KIAA1549: variants seen among roughly 807,000 people sequenced by gnomAD.
The protein encoded by KIAA1549 is KIAA1549.
KIAA1549 carries 70 observed loss-of-function variants against 156.4 expected under a neutral mutation model. The observed-to-expected ratio is 0.45, with a 90% confidence interval of 0.37 to 0.55. The LOEUF is 0.55. Ranked by LOEUF, KIAA1549 falls within the 20% of genes least tolerant of loss-of-function variation. The pLI is 0.00. For missense variants in KIAA1549, 2,428 were observed against 2,540.9 expected, an observed-to-expected ratio of 0.96 and a Z score of 0.96; for synonymous variants, 1,103 against 1,066.4, an observed-to-expected ratio of 1.03 and a Z score of -0.67.
intron 1 of KIAA1549, among the ~76,000 whole-genome samples, chr7:138,969,337 T>C (rs1325284346): frequency 6.6e-6 from 1 of 152,218 alleles, no homozygotes; most frequent in Non-Finnish European, 1.5e-5. Context: ...CCTGTCTCCA[T>C]GGCTTTGACT....
At chr7:138,944,149 T>C (rs978748367) in intron 1 of KIAA1549, among the ~76,000 whole-genome samples, 1 of 151,892 alleles carries the variant, frequency 6.6e-6, no homozygotes, top group African/African-American at 2.4e-5. Context: ...CTATCATCAC[T>C]ACATTGTACA....
intron 1 of KIAA1549, among the ~76,000 whole-genome samples, chr7:138,957,165 A>G (rs12707428): frequency 0.42 from 63,052 of 151,920 alleles, 15,893 homozygotes; most frequent in African/African-American, 0.72. Context: ...CATATGGGGA[A>G]TGACCATACT....
intron 1 of KIAA1549, among the ~76,000 whole-genome samples, chr7:138,952,154 G>GT (rs1563091310): frequency 6.6e-6 from 1 of 152,166 alleles, no homozygotes. Flanking sequence ...ACCCACAGAG[G>GT]TTCTGACTCA....
chr7:138,958,911 C>T lies in KIAA1549; in HGVS notation c.187+22172G>A, dbSNP rs952606367. ...TTTTTTTGTTTTGTTTAGTTTGTTTCGTTTTTGAGATAGAGTGTTGCTCTG... is the reference window on the plus strand; with the variant it reads ...TTTTTTTGTTTTGTTTAGTTTGTTTTGTTTTTGAGATAGAGTGTTGCTCTG... On this transcript the variant is annotated intron_variant, in intron 1 of 19. Transcript: ENST00000422774. Among the ~76,000 whole-genome samples the T allele has an allele frequency of 7.9e-5, 12 of 151,450 alleles. 1 individual carries two copies. In the East Asian group the frequency reaches 2.3e-3, roughly 29 times the overall value.
chr7:138,973,721 T>G (rs1814290421), intron 1 of KIAA1549, among the ~76,000 whole-genome samples: 1 of 152,218 alleles, frequency 6.6e-6, no homozygotes, highest in Non-Finnish European at 1.5e-5. Flanking sequence ...CCCAGCCCAC[T>G]GCAGCCTCAA....
intron 14 of KIAA1549, among the ~76,000 whole-genome samples, chr7:138,868,590 A>G (rs10267419): frequency 0.11 from 16,822 of 151,978 alleles, 1,142 homozygotes; most frequent in East Asian, 0.23. Flanking sequence ...ACCACGCCCA[A>G]TTAATTTTTG....
In KIAA1549 at chr7:138,906,918, C is replaced by T. The variant is rs1447354172; in HGVS notation, c.3460+1G>A. 2 of 1,587,964 alleles carry T rather than the reference C, an allele frequency of 1.3e-6. No homozygotes were observed. The highest frequency in any genetic ancestry group is 8.6e-7 in the Non-Finnish European group (1 of 1,169,110). On this transcript the variant is annotated splice_donor_variant, in intron 6 of 19. Coordinates refer to ENST00000422774, the MANE Select transcript of KIAA1549 (RefSeq NM_001164665.2). LOFTEE classifies it high-confidence loss of function. ...AGCATGTCCAAGAGGGCTGTACTCACGCTCTGCGATCTGCAGCACTGGGTA... is the reference window on the plus strand; with the variant it reads ...AGCATGTCCAAGAGGGCTGTACTCATGCTCTGCGATCTGCAGCACTGGGTA...
chr7:138,899,683 C>G (rs1811787117), intron 8 of KIAA1549, among the ~76,000 whole-genome samples: 1 of 152,090 alleles, frequency 6.6e-6, no homozygotes, highest in South Asian at 2.1e-4. Context: ...CCACCAGGTA[C>G]CCCCATCCTG....
At chr7:138,963,373 G>GAAAC (rs1813912049) in intron 1 of KIAA1549, among the ~76,000 whole-genome samples, 1 of 152,196 alleles carries the variant, frequency 6.6e-6, no homozygotes, top group African/African-American at 2.4e-5. Context: ...AGCACTGCTG[G>GAAAC]TTTACCCAGC....
intron 10 of KIAA1549, among the ~76,000 whole-genome samples, chr7:138,884,677 G>A (rs1006899325): frequency 1.3e-5 from 2 of 152,176 alleles, no homozygotes; most frequent in African/African-American, 4.8e-5. Context: ...CTCTGGTATA[G>A]CATCACATGG....
chr7:138,837,976 A>T lies in KIAA1549; in HGVS notation c.5783T>A (p.Ile1928Asn), dbSNP rs1376769360. Residue 1928 changes from isoleucine (I) to asparagine (N), a missense_variant, in exon 20 of 20, where the codon ATC becomes AAC. Ile to Asn is a moderately radical substitution (Grantham distance 149, BLOSUM62 -3). This residue lies in a region of KIAA1549 where 363 missense variants were observed against 354.0 expected (regional missense o/e 1.03). Coordinates refer to ENST00000422774, the MANE Select transcript of KIAA1549 (RefSeq NM_001164665.2). ...GAGGAGCTCCTCGCGGATTGCTTTGATGAGAGAGGCCGAGGAGTGGCCAGG... is the reference window on the plus strand; with the variant it reads ...GAGGAGCTCCTCGCGGATTGCTTTGTTGAGAGAGGCCGAGGAGTGGCCAGG... The part of the protein sequence containing the change: ...LQPGHSSASL[I>N]KAIREELLRL... The T allele has an allele frequency of 6.2e-7, 1 of 1,613,694 alleles. No homozygotes were observed. Among genetic ancestry groups the T allele is most frequent in the Non-Finnish European group, 8.5e-7 (1 of 1,179,824 alleles).
intron 1 of KIAA1549, among the ~76,000 whole-genome samples, chr7:138,932,717 A>G (rs1812906126): frequency 6.6e-6 from 1 of 152,190 alleles, no homozygotes. Flanking sequence ...GAGTGTGGTC[A>G]GCGGATCTTT....
At chr7:138,840,458 T>C (rs1809881144) in intron 18 of KIAA1549, among the ~76,000 whole-genome samples, 180 bp from the exon 19 acceptor site, 1 of 151,998 alleles carries the variant, frequency 6.6e-6, no homozygotes, top group East Asian at 1.9e-4. Flanking sequence ...CTGTCAGCAT[T>C]TCCTGAGGGT....
At chr7:138,923,650 A>G (rs1213273480) in intron 1 of KIAA1549, among the ~76,000 whole-genome samples, 3 of 152,174 alleles carry the variant, frequency 2.0e-5, no homozygotes, top group Non-Finnish European at 4.4e-5. Context: ...ACAAATACTG[A>G]TGGTATAAAT....
chr7:138,868,007 C>CG lies in KIAA1549; in HGVS notation c.4896dup (p.Gly1633ArgfsTer15), dbSNP rs768490939. ...CCGATGTAGGCTGAGTTGTGGACGC[C>CG]GGGGGGCCTCCTGTAGGTGCCATCG... On this transcript the variant is annotated frameshift_variant, in exon 15 of 20. Transcript: ENST00000422774. LOFTEE classifies it high-confidence loss of function. 6.2e-7 allele frequency: 1 copy of CG among 1,613,878 alleles called. No homozygotes were observed.
chr7:138,919,577 A>C, intron 1 of KIAA1549, 139 bp from the exon 2 acceptor site: 1 of 1,402,402 alleles, frequency 7.1e-7, no homozygotes, highest in Non-Finnish European at 9.5e-7. Flanking sequence ...CAGAAGTTAA[A>C]CAGCTAGCTG....
At chr7:138,978,473 C>A (rs1305629519) in intron 1 of KIAA1549, among the ~76,000 whole-genome samples, 1 of 147,604 alleles carries the variant, frequency 6.8e-6, no homozygotes, top group Non-Finnish European at 1.5e-5. Flanking sequence ...TAAGACCAAA[C>A]TTGTAAATTT....
chr7:138,851,549 C>T (rs942620155), intron 17 of KIAA1549, among the ~76,000 whole-genome samples: 2 of 150,348 alleles, frequency 1.3e-5, no homozygotes, highest in Admixed American at 6.6e-5. Context: ...CTTTTCTTCT[C>T]ATATGCCTGG....
chr7:138,906,866 ACCAAAAATGCCCG>A, intron 6 of KIAA1549, 40 bp downstream of exon 6: 1 of 1,317,860 alleles, frequency 7.6e-7, no homozygotes, highest in Non-Finnish European at 1.0e-6. Flanking sequence ...GAGGTCTTCC[ACCAAAAATGCCCG>A]CCATCACCTC....
Sources: gnomAD v4.1 joint callset for allele counts (sites outside exome capture counted in the v4.1 genomes callset) on GRCh38, gnomAD v4.1.1 for gene constraint, gnomAD v4.1.1 regional missense constraint, MANE v1.5 for transcripts, NCBI Gene and HGNC (gene_info 2026-07-23, HGNC 2026-07-21) for gene names.